Variants in PARP10 observed in about 807,000 individuals in gnomAD.
PARP10 encodes protein mono-ADP-ribosyltransferase PARP10.
In PARP10, 56 loss-of-function variants were observed where a neutral mutation model predicts 82.4. The ratio of observed to expected loss-of-function variants is 0.68; its 90% CI spans 0.55 to 0.85. The LOEUF is 0.85. PARP10 is among the 40% of genes least tolerant of loss of function. PARP10 has a pLI of 0.00. For synonymous variants in PARP10, 576 were observed against 601.1 expected (o/e 0.96, Z 0.61); for missense variants, 1,227 against 1,379.4 (o/e 0.89, Z 1.75).
In PARP10 at chr8:143,977,752, G is replaced by A. The variant is rs1433878878; in HGVS notation, c.2810C>T (p.Ala937Val). ...SVQDRYSPPN[A>V]DGHKAVFVAR... ...CACGAACACCGCCTTATGGCCATCG[G>A]CGTTGGGGGGCGAGTAGCGGTCCTG... is the stretch of plus-strand genomic sequence containing the variant. Residue 937 changes from alanine to valine, a missense_variant, in exon 11 of 11, where the codon GCC (alanine) becomes GTC (valine). Coordinates refer to ENST00000313028, the MANE Select transcript of PARP10 (RefSeq NM_032789.5). 2.5e-6 allele frequency: 4 copies of A among 1,603,556 alleles called. No individual in the cohort carries two copies. Among genetic ancestry groups the A allele is most frequent in the East Asian group, 4.5e-5 (2 of 44,216 alleles).
At chr8:143,992,238 A>G, upstream of PARP10, 2 of 1,603,888 alleles carry the variant, frequency 1.2e-6, no homozygotes, top group Non-Finnish European at 1.7e-6. Flanking sequence ...GTGTCTCCCA[A>G]CTGCAGTCGG....
At position 143,985,306 on chromosome 8, in the gene PARP10, C is replaced by A; in HGVS notation, c.696G>T (p.Gln232His). ...GCTCTGAGCCCTGCAACCGGTGCTC[C>A]TGCTGCAACACTCGTTCTGCCACTT... Reference protein sequence around the residue: ...QWQVAERVLQQEHRLQGSELS... With the variant: ...QWQVAERVLQHEHRLQGSELS... The change falls in exon 5 of 11, where the codon CAG (glutamine) becomes CAT (histidine). Residue 232 changes from glutamine (Q) to histidine (H), a missense_variant. By Grantham distance (24) the Gln-to-His change is conservative. Transcript: ENST00000313028. 1 of 1,609,722 alleles carries A rather than the reference C, an allele frequency of 6.2e-7. No homozygotes were observed. The highest frequency in any genetic ancestry group is 8.5e-7 in the Non-Finnish European group (1 of 1,177,598).
intron 1 of PARP10, among the ~76,000 whole-genome samples, chr8:144,001,873 C>CGTGCGT (rs1834205613): frequency 7.3e-6 from 1 of 136,416 alleles, no homozygotes; most frequent in African/African-American, 2.7e-5. Context: ...AATATATATA[C>CGTGCGT]GTGTGTGTGT....
chr8:143,984,929 T>A lies in PARP10; in HGVS notation c.1073A>T (p.Glu358Val), dbSNP rs782663680. ...QVSSMPMGSL[E>V]HEGLVSLRPV... ...CCTCAGGCTTACCAGCCCCTCATGTTCCAGAGACCCCATGGGCATCGAGCT... is the reference window on the plus strand; with the variant it reads ...CCTCAGGCTTACCAGCCCCTCATGTACCAGAGACCCCATGGGCATCGAGCT... The change falls in exon 5 of 11, where the codon GAA (glutamate) becomes GTA (valine). Residue 358 changes from glutamate (E) to valine (V), a missense_variant. Glu to Val is a moderately radical substitution (Grantham distance 121, BLOSUM62 -2). Transcript: ENST00000313028. 3 of 1,613,946 alleles carry A rather than the reference T, an allele frequency of 1.9e-6. No individual in the cohort carries two copies. Among genetic ancestry groups the A allele is most frequent in the Non-Finnish European group, 2.5e-6 (3 of 1,179,990 alleles).
Position 143,986,035 on chromosome 8 carries a change from C to G in PARP10, c.181+20G>C. ...AGAATATCAGGGCACCCAGGCTGTC[C>G]CTTCAGCCAGCCCTCTCACCTGCAG... On this transcript the variant is annotated intron_variant, in intron 2 of 10. Coordinates refer to ENST00000313028, the MANE Select transcript of PARP10 (RefSeq NM_032789.5). The G allele has an allele frequency of 6.2e-7, 1 of 1,610,496 alleles. No homozygotes were observed. Among genetic ancestry groups the G allele is most frequent in the Non-Finnish European group, 8.5e-7 (1 of 1,177,192 alleles).
At position 143,977,297 on chromosome 8, in the gene PARP10, T is replaced by G; in HGVS notation, c.*187A>C. ...CCCTGGTGGTGGGGTCGGCCCAGGC[T>G]GGGACCTAGCCCGGCCCCCCTCGGC... On this transcript the variant is annotated 3_prime_UTR_variant, in exon 11 of 11. Transcript: ENST00000313028. 1.5e-6 allele frequency: 1 copy of G among 652,942 alleles called. No individual in the cohort carries two copies. Among genetic ancestry groups the G allele is most frequent in the Non-Finnish European group, 2.6e-6 (1 of 391,318 alleles). The allele number at this position is 652,942 out of a possible 1,614,324, so 40.4% of individuals were successfully genotyped here.
intron 9 of PARP10, among the ~76,000 whole-genome samples, chr8:143,978,652 A>C (rs1833775819): frequency 6.6e-6 from 1 of 152,170 alleles, no homozygotes; most frequent in Non-Finnish European, 1.5e-5. Flanking sequence ...GGTGAGCCAA[A>C]TGAGGAAGTG....
chr8:143,994,133 G>A (rs914793141), upstream of PARP10, among the ~76,000 whole-genome samples: 3 of 152,172 alleles, frequency 2.0e-5, no homozygotes, highest in African/African-American at 4.8e-5. Flanking sequence ...CTGCAGCCTC[G>A]AGGCTCTGCA....
rs570493718 is a variant in PARP10 at position 143,999,628 on chromosome 8, C to T, written c.-80+12902G>A. On this transcript the variant is annotated intron_variant, in intron 1 of 3. Transcript: ENST00000530478. ...CGACCTCCTGAAGTGCTGGGATTACCGCATCCAGACTCAAATTGAGCTTCT... is the reference window on the plus strand; with the variant it reads ...CGACCTCCTGAAGTGCTGGGATTACTGCATCCAGACTCAAATTGAGCTTCT... Among the ~76,000 whole-genome samples, 4 of 151,638 alleles carry T rather than the reference C, an allele frequency of 2.6e-5. No individual in the cohort carries two copies. The South Asian group carries it at 6.3e-4, about 24-fold the overall frequency.
chr8:143,979,195 G>A (rs538486035), intron 9 of PARP10, among the ~76,000 whole-genome samples: 27 of 151,806 alleles, frequency 1.8e-4, no homozygotes, highest in Admixed American at 1.7e-3. Context: ...GGATGGTCTC[G>A]ATCTCCTGAC....
chr8:143,982,331 G>A (rs192162120), intron 9 of PARP10, among the ~76,000 whole-genome samples: 2 of 151,782 alleles, frequency 1.3e-5, no homozygotes, highest in East Asian at 3.9e-4. Context: ...AAAATTAGCC[G>A]GGCGTGGTGG....
At chr8:144,000,011 T>G (rs1471057395) in intron 1 of PARP10, among the ~76,000 whole-genome samples, 1 of 152,106 alleles carries the variant, frequency 6.6e-6, no homozygotes, top group Non-Finnish European at 1.5e-5. Context: ...ACATAACGCT[T>G]GAAATGTTTC....
At chr8:143,979,130 G>A (rs1222973993) in intron 9 of PARP10, among the ~76,000 whole-genome samples, 1 of 152,012 alleles carries the variant, frequency 6.6e-6, no homozygotes, top group Non-Finnish European at 1.5e-5. Context: ...CTGCCACCGC[G>A]CCCGGCTATC....
intron 1 of PARP10, among the ~76,000 whole-genome samples, chr8:144,006,320 C>T (rs986780243): frequency 1.1e-4 from 16 of 152,260 alleles, no homozygotes; most frequent in African/African-American, 2.9e-4. Flanking sequence ...ACACTCACAA[C>T]GACAGCAGGA....
Position 143,978,032 on chromosome 8 carries a change from C to G in PARP10, c.2606G>C (p.Arg869Pro), listed in dbSNP as rs868915749. Residue 869 changes from arginine (R) to proline (P), a missense_variant, in exon 10 of 11, where the codon CGG becomes CCG. Transcript: ENST00000313028. ...PLLQQQYELY[R>P]ERLLQRCERR... ...CTCGCATCGCTGCAGCAGGCGCTCC[C>G]GGTACAGCTCATACTGCTGCTGCAG... is the stretch of plus-strand genomic sequence containing the variant. The G allele has an allele frequency of 4.4e-6, 7 of 1,576,762 alleles. No individual in the cohort carries two copies. The highest frequency in any genetic ancestry group is 6.0e-6 in the Non-Finnish European group (7 of 1,167,658).
At position 143,985,599 on chromosome 8, in the gene PARP10, G is replaced by A. The variant is rs781946090; in HGVS notation, c.486C>T (p.Thr162=). Residue 162 remains threonine, a synonymous_variant, in exon 4 of 11, where the codon ACC becomes ACT. Coordinates refer to ENST00000313028, the MANE Select transcript of PARP10 (RefSeq NM_032789.5). ...EQAQNLGLEG[T]LVSLARVPQA... is the part of the protein sequence containing the mutation. ...GGGGAACCCGGGCCAGGGACACCAA[G>A]GTCCCCTCCAGGCCCAGATTCTGGG... The A allele has an allele frequency of 3.1e-6, 5 of 1,614,004 alleles. No individual in the cohort carries two copies. Among genetic ancestry groups the A allele is most frequent in the South Asian group, 1.1e-5 (1 of 91,080 alleles).
rs148169248 is a variant in PARP10 at position 143,979,841 on chromosome 8, G to A, written c.2557-1760C>T. On this transcript the variant is annotated intron_variant, in intron 9 of 10. Coordinates refer to ENST00000313028, the MANE Select transcript of PARP10 (RefSeq NM_032789.5). Reference sequence around the variant, plus strand: ...GAGATCGAGACCATGGTGAAACCCCGTCTCTATTAAAAATACAAAATTTAG... The same window carrying A: ...GAGATCGAGACCATGGTGAAACCCCATCTCTATTAAAAATACAAAATTTAG... Among the ~76,000 whole-genome samples, 91 of 150,250 alleles carry A rather than the reference G, an allele frequency of 6.1e-4. 3 individuals carry two copies. The East Asian group carries it at 0.016, about 27-fold the overall frequency.
At chr8:143,982,285 T>TG (rs1469597169) in intron 9 of PARP10, among the ~76,000 whole-genome samples, 1 of 151,986 alleles carries the variant, frequency 6.6e-6, no homozygotes, top group Non-Finnish European at 1.5e-5. Flanking sequence ...CTGGCTAACA[T>TG]GGTGAAACCC....
chr8:143,991,514 G>A (rs201456230), upstream of PARP10: 685 of 1,547,604 alleles, frequency 4.4e-4, 2 homozygotes, highest in East Asian at 0.01. Flanking sequence ...ACCCCCAAGG[G>A]GGCTACCCCC....
Sources: allele counts gnomAD v4.1 joint callset (sites outside exome capture counted in the v4.1 genomes callset), GRCh38; gene constraint gnomAD v4.1.1; transcripts MANE v1.5; gene names NCBI Gene and HGNC (gene_info 2026-07-23, HGNC 2026-07-21).